MARCHF11: variants seen among roughly 807,000 people sequenced by gnomAD.
MARCHF11 encodes the protein membrane associated ring-CH-type finger 11.
MARCHF11 carries 29 observed loss-of-function variants against 37.3 expected under a neutral mutation model. That is an observed-to-expected ratio of 0.78 (90% CI 0.58 to 1.06). The LOEUF is 1.06. MARCHF11 is among the 50% of genes least tolerant of loss of function. MARCHF11 has a pLI of 0.00. For missense variants in MARCHF11, 482 were observed against 533.4 expected (o/e 0.90, Z 0.95); for synonymous variants, 233 against 228.0 (o/e 1.02, Z -0.20).
intron 2 of MARCHF11, among the ~76,000 whole-genome samples, chr5:16,139,201 G>A (rs1449584474): frequency 2.6e-5 from 4 of 152,136 alleles, no homozygotes; most frequent in South Asian, 2.1e-4. Context: ...GGGACCTGGT[G>A]GAAGGTAATT....
intron 2 of MARCHF11, among the ~76,000 whole-genome samples, chr5:16,176,143 A>G (rs547905634): frequency 6.6e-6 from 1 of 151,532 alleles, no homozygotes; most frequent in South Asian, 2.1e-4. Flanking sequence ...TAAAATGTCC[A>G]TCAAGTACTT....
At chr5:16,073,103 GAAGT>G (rs1389807705) in intron 3 of MARCHF11, among the ~76,000 whole-genome samples, 1 of 152,130 alleles carries the variant, frequency 6.6e-6, no homozygotes. Context: ...GTCATTCTGA[GAAGT>G]GAGTGTGCAC....
At chr5:16,070,983 C>T (rs1251465081) in intron 3 of MARCHF11, among the ~76,000 whole-genome samples, 9 of 151,738 alleles carry the variant, frequency 5.9e-5, no homozygotes, top group East Asian at 1.9e-4. Context: ...GGCGTTACGG[C>T]GAACACCTTT....
intron 2 of MARCHF11, among the ~76,000 whole-genome samples, chr5:16,128,105 C>T (rs9312905): frequency 0.046 from 7,032 of 152,216 alleles, 449 homozygotes; most frequent in African/African-American, 0.15. Context: ...ATACCACCCA[C>T]GAAACCTGCT....
intron 2 of MARCHF11, among the ~76,000 whole-genome samples, chr5:16,127,131 G>A (rs1737421690): frequency 6.6e-6 from 1 of 152,166 alleles, no homozygotes; most frequent in Admixed American, 6.5e-5. Context: ...GATATGTGCA[G>A]TCACAGAGGT....
At chr5:16,157,621 A>G (rs1220177474) in intron 2 of MARCHF11, among the ~76,000 whole-genome samples, 1 of 151,944 alleles carries the variant, frequency 6.6e-6, no homozygotes, top group East Asian at 1.9e-4. Flanking sequence ...TTTTGGGGAA[A>G]GTGAATATCT....
intron 3 of MARCHF11, among the ~76,000 whole-genome samples, chr5:16,071,679 G>A (rs1028235528): frequency 3.9e-5 from 6 of 152,162 alleles, no homozygotes; most frequent in African/African-American, 1.4e-4. Context: ...TTTAACATGT[G>A]AAGTGTTATA....
intron 2 of MARCHF11, among the ~76,000 whole-genome samples, chr5:16,110,289 G>T (rs1392328711): frequency 6.6e-6 from 1 of 152,078 alleles, no homozygotes. Flanking sequence ...ATAATGCAAA[G>T]AGTTTTGGGT....
At chr5:16,106,943 C>T (rs1411639865) in intron 2 of MARCHF11, among the ~76,000 whole-genome samples, 3 of 152,152 alleles carry the variant, frequency 2.0e-5, no homozygotes, top group African/African-American at 4.8e-5. Flanking sequence ...CCTACTCATT[C>T]TTAATCTTTC....
chr5:16,177,440 T>A (rs558753756), intron 2 of MARCHF11, among the ~76,000 whole-genome samples: 4 of 152,204 alleles, frequency 2.6e-5, no homozygotes, highest in Non-Finnish European at 4.4e-5. Flanking sequence ...GTGGTACAAG[T>A]CATTTTACCA....
intron 3 of MARCHF11, among the ~76,000 whole-genome samples, chr5:16,071,958 T>G (rs966498555): frequency 1.4e-5 from 2 of 145,572 alleles, no homozygotes; most frequent in Non-Finnish European, 2.9e-5. Flanking sequence ...TGTTTTTTTG[T>G]TTTTTTTGTT....
intron 2 of MARCHF11, among the ~76,000 whole-genome samples, chr5:16,092,192 GTCT>G (rs1560972193): frequency 4.7e-5 from 7 of 150,354 alleles, no homozygotes; most frequent in African/African-American, 1.8e-4. Flanking sequence ...CTCATTGTCT[GTCT>G]CTCTGTCACT....
intron 3 of MARCHF11, among the ~76,000 whole-genome samples, chr5:16,084,682 GA>G (rs1736665456): frequency 6.7e-6 from 1 of 148,642 alleles, no homozygotes; most frequent in African/African-American, 2.4e-5. Context: ...TGGATTTAAA[GA>G]AAAATTATTT....
chr5:16,081,950 G>A (rs1736616259), intron 3 of MARCHF11, among the ~76,000 whole-genome samples: 1 of 152,088 alleles, frequency 6.6e-6, no homozygotes, highest in Admixed American at 6.5e-5. Flanking sequence ...GATTTTAAAG[G>A]CAATGGTATC....
At chr5:16,168,023 G>A (rs537339052) in intron 2 of MARCHF11, among the ~76,000 whole-genome samples, 6 of 152,034 alleles carry the variant, frequency 3.9e-5, no homozygotes, top group African/African-American at 1.4e-4. Context: ...AACACACACC[G>A]ATCTGTCACT....
chr5:16,163,792 G>A (rs1738125752), intron 2 of MARCHF11, among the ~76,000 whole-genome samples: 1 of 151,996 alleles, frequency 6.6e-6, no homozygotes, highest in South Asian at 2.1e-4. Context: ...ATTAAGACGT[G>A]GAGCTTTAAG....
chr5:16,118,473 C>T (rs1737256758), intron 2 of MARCHF11, among the ~76,000 whole-genome samples: 1 of 152,146 alleles, frequency 6.6e-6, no homozygotes, highest in Non-Finnish European at 1.5e-5. Flanking sequence ...GTGCTATGCA[C>T]TGAGACGAGG....
intron 3 of MARCHF11, among the ~76,000 whole-genome samples, chr5:16,088,654 C>G (rs1736739750): frequency 6.6e-6 from 1 of 151,982 alleles, no homozygotes; most frequent in Admixed American, 6.5e-5. Context: ...TCTTAATTTA[C>G]TGGGGAAAAA....
At chr5:16,121,953 A>G (rs1737315267) in intron 2 of MARCHF11, among the ~76,000 whole-genome samples, 1 of 152,174 alleles carries the variant, frequency 6.6e-6, no homozygotes, top group Admixed American at 6.6e-5. Context: ...ACTGCAGCTC[A>G]TTGGTGCTAT....
Sources: gnomAD v4.1 joint callset for allele counts (sites outside exome capture counted in the v4.1 genomes callset) on GRCh38, gnomAD v4.1.1 for gene constraint, MANE v1.5 for transcripts, NCBI Gene and HGNC (gene_info 2026-07-23, HGNC 2026-07-21) for gene names.